TMEM260: variants seen among roughly 807,000 people sequenced by gnomAD.
The protein encoded by TMEM260 is protein O-mannosyl-transferase TMEM260.
In TMEM260, 82 loss-of-function variants were observed where a neutral mutation model predicts 88.9. The observed-to-expected ratio is 0.92, with a 90% CI of 0.77 to 1.11. The LOEUF (loss-of-function observed/expected upper bound fraction) is 1.11, where lower values mean the gene tolerates loss of function less well. Ranked by LOEUF, TMEM260 falls within the 50% of genes least tolerant of loss-of-function variation. TMEM260 has a pLI of 0.00. For synonymous variants in TMEM260, 314 were observed against 309.3 expected (o/e 1.02, Z -0.16); for missense variants, 902 against 853.4 (o/e 1.06, Z -0.71).
At chr14:56,602,208 T>C (rs1886620743) in intron 3 of TMEM260, among the ~76,000 whole-genome samples, 1 of 152,134 alleles carries the variant, frequency 6.6e-6, no homozygotes, top group South Asian at 2.1e-4. Flanking sequence ...ATGTACAGAA[T>C]GGGCTAAAAA....
At chr14:56,644,937 C>G (rs1331118063) in intron 15 of TMEM260, among the ~76,000 whole-genome samples, 14 of 152,068 alleles carry the variant, frequency 9.2e-5, no homozygotes, top group Admixed American at 7.2e-4. Context: ...ATCAAAACCA[C>G]AAGGAGATAC....
At chr14:56,633,239 C>A in intron 13 of TMEM260, 68 bp downstream of exon 13, 1 of 1,309,366 alleles carries the variant, frequency 7.6e-7, no homozygotes, top group Non-Finnish European at 1.0e-6. Context: ...AAAACTACTA[C>A]ATTTTGAGAT....
At chr14:56,651,742 G>GAT (rs752415827), downstream of TMEM260, among the ~76,000 whole-genome samples, 9 of 152,130 alleles carry the variant, frequency 5.9e-5, no homozygotes, top group Non-Finnish European at 1.2e-4. Flanking sequence ...TATAATAAAA[G>GAT]ATACATAGAA....
intron 15 of TMEM260, among the ~76,000 whole-genome samples, chr14:56,645,881 G>A (rs929216746): frequency 6.6e-6 from 1 of 152,148 alleles, no homozygotes; most frequent in African/African-American, 2.4e-5. Flanking sequence ...TTTACCAAGA[G>A]GATAAAAGGG....
chr14:56,620,964 G>T (rs527252380), intron 10 of TMEM260, among the ~76,000 whole-genome samples: 5 of 152,160 alleles, frequency 3.3e-5, no homozygotes, highest in South Asian at 2.1e-4. Flanking sequence ...CAGGAAACTC[G>T]TCCTCCCCTT....
At chr14:56,583,753 G>C (rs889653204) in intron 1 of TMEM260, among the ~76,000 whole-genome samples, 28 of 152,082 alleles carry the variant, frequency 1.8e-4, no homozygotes, top group Non-Finnish European at 4.4e-5. Flanking sequence ...GAGAATGCTA[G>C]GGAAAATATT....
chr14:56,659,541 C>T, the TMEM260 span, among the ~76,000 whole-genome samples: 1 of 152,188 alleles, frequency 6.6e-6, no homozygotes, highest in South Asian at 2.1e-4. Context: ...TGGGCAGCCC[C>T]AGGGAGCCTG....
intron 12 of TMEM260, among the ~76,000 whole-genome samples, chr14:56,632,072 G>A (rs1021303915): frequency 1.3e-5 from 2 of 152,104 alleles, no homozygotes; most frequent in African/African-American, 4.8e-5. Flanking sequence ...TTAATTTTAC[G>A]AACTCTGTTT....
chr14:56,579,551 G>T, upstream of TMEM260: 1 of 202,950 alleles, frequency 4.9e-6, no homozygotes, highest in Non-Finnish European at 9.8e-6. Context: ...TTTGGTCTCT[G>T]TCAGACCCAA....
chr14:56,579,807 G>T lies in TMEM260; in HGVS notation c.-108G>T. On this transcript the variant is annotated 5_prime_UTR_variant, in exon 1 of 16. Transcript: ENST00000261556. ...CAACCCGCGGAGGCTCGACCCGGAAGCCGCCGTGGCCGCCGCACAAGCTGC... is the reference window on the plus strand; with the variant it reads ...CAACCCGCGGAGGCTCGACCCGGAATCCGCCGTGGCCGCCGCACAAGCTGC... The T allele has an allele frequency of 9.0e-7, 1 of 1,112,760 alleles. No homozygotes were observed. The allele number at this position is 1,112,760 out of a possible 1,614,324, so 68.9% of individuals were successfully genotyped here. A position where few individuals can be genotyped will look rare whatever the true frequency, so the allele number is the denominator to read the frequency against.
chr14:56,617,091 T>C (rs1359831915), intron 8 of TMEM260, 92 bp from the exon 9 acceptor site: 10 of 736,922 alleles, frequency 1.4e-5, no homozygotes, highest in Non-Finnish European at 1.8e-5. Context: ...AATGGAAAGT[T>C]TTTATAGATC....
chr14:56,616,769 G>T (rs1052420301), intron 8 of TMEM260, among the ~76,000 whole-genome samples: 1 of 151,886 alleles, frequency 6.6e-6, no homozygotes, highest in Admixed American at 6.6e-5. Flanking sequence ...TAAGGCTTCC[G>T]ATATAGATAT....
chr14:56,608,538 G>A (rs1192415213), intron 5 of TMEM260, among the ~76,000 whole-genome samples: 2 of 152,132 alleles, frequency 1.3e-5, no homozygotes. Flanking sequence ...TATCCTATAT[G>A]TAAATTGAGG....
At chr14:56,660,008 G>A in the TMEM260 span, among the ~76,000 whole-genome samples, 1,091 of 152,172 alleles carry the variant, frequency 7.2e-3, 9 homozygotes, top group African/African-American at 0.024. Flanking sequence ...TCCTTGTAGC[G>A]AAATGATTTG....
intron 11 of TMEM260, 141 bp downstream of exon 11, chr14:56,621,843 T>C: frequency 3.3e-6 from 2 of 600,324 alleles, no homozygotes; most frequent in Non-Finnish European, 5.3e-6. Context: ...TTCTACATGT[T>C]AGGTAGAATA....
At chr14:56,659,416 T>TC in the TMEM260 span, among the ~76,000 whole-genome samples, 1 of 152,124 alleles carries the variant, frequency 6.6e-6, no homozygotes, top group African/African-American at 2.4e-5. Context: ...AGAGACACAA[T>TC]CCCTAAGGCC....
At chr14:56,660,024 A>G in the TMEM260 span, among the ~76,000 whole-genome samples, 1,250 of 152,304 alleles carry the variant, frequency 8.2e-3, 12 homozygotes, top group Middle Eastern at 0.017. Flanking sequence ...ATTTGGCTGG[A>G]TGGAATATTA....
intron 11 of TMEM260, 134 bp from the exon 12 acceptor site, chr14:56,625,248 G>A (rs1445470003): frequency 3.7e-6 from 3 of 804,664 alleles, no homozygotes; most frequent in Non-Finnish European, 5.8e-6. Flanking sequence ...ATTCTCAGTT[G>A]TGCTTATATT....
Position 56,641,793 on chromosome 14 carries a change from T to C in TMEM260, c.1869+5195T>C, listed in dbSNP as rs1438714543. Among the ~76,000 whole-genome samples the C allele has an allele frequency of 3.3e-5, 5 of 152,246 alleles. No individual in the cohort carries two copies. In the East Asian group the frequency reaches 9.6e-4, roughly 29 times the overall value. ...CCCATCTCACGTGCAGAGACACACA[T>C]AGGCTCAAAATAAAGGGTTGGAGGA... is the stretch of plus-strand genomic sequence containing the variant. On this transcript the variant is annotated intron_variant, in intron 15 of 15. Coordinates refer to ENST00000261556, the MANE Select transcript of TMEM260 (RefSeq NM_017799.4).
Sources: allele counts gnomAD v4.1 joint callset (sites outside exome capture counted in the v4.1 genomes callset), GRCh38; gene constraint gnomAD v4.1.1; transcripts MANE v1.5; gene names NCBI Gene and HGNC (gene_info 2026-07-23, HGNC 2026-07-21).